PCDH9: variants seen among roughly 807,000 people sequenced by gnomAD.
PCDH9 encodes protocadherin 9.
A neutral mutation model predicts 70.6 loss-of-function variants in PCDH9; 24 were observed. The observed-to-expected ratio is 0.34, with a 90% CI of 0.25 to 0.48. The LOEUF is 0.48. Among genes scored for constraint, PCDH9 ranks in the 20% least tolerant of loss-of-function variants. The probability of loss-of-function intolerance (pLI) is 0.99; values close to 1 mark genes in which losing one functional copy is unlikely to be tolerated. For synonymous variants in PCDH9, 562 were observed against 558.5 expected (o/e 1.01, Z -0.09); for missense variants, 1,281 against 1,503.6 (o/e 0.85, Z 2.45).
At chr13:66,839,581 C>T (rs2081081783) in intron 3 of PCDH9, among the ~76,000 whole-genome samples, 1 of 152,160 alleles carries the variant, frequency 6.6e-6, no homozygotes, top group African/African-American at 2.4e-5. Context: ...CATATTTTAA[C>T]AAGCTTTATC....
At chr13:66,889,012 T>C (rs2082053406) in intron 3 of PCDH9, among the ~76,000 whole-genome samples, 1 of 152,230 alleles carries the variant, frequency 6.6e-6, no homozygotes, top group Non-Finnish European at 1.5e-5. Flanking sequence ...TTCAGGAAGA[T>C]AGATCCAGGT....
chr13:66,374,810 A>G (rs926483690), intron 4 of PCDH9, among the ~76,000 whole-genome samples: 1 of 152,070 alleles, frequency 6.6e-6, no homozygotes, highest in Non-Finnish European at 1.5e-5. Flanking sequence ...AAAACAGAAT[A>G]TATTCCTTTG....
At chr13:66,784,291 A>G (rs905397029) in intron 3 of PCDH9, among the ~76,000 whole-genome samples, 1 of 152,140 alleles carries the variant, frequency 6.6e-6, no homozygotes, top group African/African-American at 2.4e-5. Flanking sequence ...TTTATGAGAC[A>G]TCTGAAATTT....
At chr13:66,312,004 A>G (rs1210258675) in intron 4 of PCDH9, among the ~76,000 whole-genome samples, 3 of 152,182 alleles carry the variant, frequency 2.0e-5, no homozygotes, top group Non-Finnish European at 4.4e-5. Flanking sequence ...TTAGATTCAA[A>G]AGACTATTGT....
At chr13:67,133,595 T>C (rs1427113798) in intron 2 of PCDH9, among the ~76,000 whole-genome samples, 2 of 152,088 alleles carry the variant, frequency 1.3e-5, no homozygotes, top group Non-Finnish European at 2.9e-5. Context: ...TAGTGCACTA[T>C]AGAACCTAGA....
At chr13:67,073,047 C>A (rs562634684) in intron 2 of PCDH9, among the ~76,000 whole-genome samples, 1 of 152,230 alleles carries the variant, frequency 6.6e-6, no homozygotes, top group South Asian at 2.1e-4. Context: ...TAAACATGTT[C>A]AATTGATTCG....
At chr13:66,909,706 T>C (rs916832073) in intron 2 of PCDH9, among the ~76,000 whole-genome samples, 4 of 152,276 alleles carry the variant, frequency 2.6e-5, no homozygotes, top group African/African-American at 7.2e-5. Context: ...GAGGCGGAGC[T>C]TGCAGTGCGC....
At chr13:66,554,107 G>C (rs1295201523) in intron 4 of PCDH9, among the ~76,000 whole-genome samples, 2 of 152,012 alleles carry the variant, frequency 1.3e-5, no homozygotes, top group African/African-American at 4.8e-5. Context: ...AAACTATATT[G>C]TTTATAACAC....
At chr13:66,788,163 A>C (rs1409167470) in intron 3 of PCDH9, among the ~76,000 whole-genome samples, 1 of 152,196 alleles carries the variant, frequency 6.6e-6, no homozygotes, top group East Asian at 1.9e-4. Flanking sequence ...AGCCACCAGC[A>C]TCTGATGAGG....
chr13:66,932,166 A>G lies in PCDH9; in HGVS notation c.3037-28561T>C, dbSNP rs564015446. Among the ~76,000 whole-genome samples, 4 of 152,246 alleles carry G rather than the reference A, an allele frequency of 2.6e-5. 1 individual carries two copies. The South Asian group carries it at 8.3e-4, about 32-fold the overall frequency. ...GATCCAGCTTACTTGAAAGAGTACC[A>G]GGGCACTTTTGATTCATAGGATGCA... On this transcript the variant is annotated intron_variant, in intron 2 of 4. Coordinates refer to ENST00000377865, the MANE Select transcript of PCDH9 (RefSeq NM_203487.3).
intron 3 of PCDH9, among the ~76,000 whole-genome samples, chr13:66,846,081 G>A (rs898108559): frequency 6.8e-6 from 1 of 146,512 alleles, no homozygotes; most frequent in African/African-American, 2.5e-5. Flanking sequence ...TTCTACTGAG[G>A]CCATTACAAT....
At chr13:66,836,055 A>G (rs1012727872) in intron 3 of PCDH9, among the ~76,000 whole-genome samples, 1 of 152,216 alleles carries the variant, frequency 6.6e-6, no homozygotes, top group African/African-American at 2.4e-5. Flanking sequence ...AACATGAGAA[A>G]CAAAGAAAGC....
chr13:66,486,637 GAAA>G lies in PCDH9; in HGVS notation c.3340+144570_3340+144572del, dbSNP rs35868123. On this transcript the variant is annotated intron_variant, in intron 4 of 4. Coordinates refer to ENST00000377865, the MANE Select transcript of PCDH9 (RefSeq NM_203487.3). ...GAGGACAGAGTGAGATGCTATCTCA[GAAA>G]AAAAAAAAAAAAAAAAGTATTTGAG... Among the ~76,000 whole-genome samples the G allele has an allele frequency of 1.2e-3, 143 of 116,072 alleles. 1 individual carries two copies. Among genetic ancestry groups the G allele is most frequent in the South Asian group, 3.6e-3 (13 of 3,564 alleles). The allele number at this position is 116,072 out of a possible 152,430, so 76.1% of individuals were successfully genotyped here.
rs553587460 is a variant in PCDH9, at chr13:67,175,002, G to A, written c.3036+50403C>T. Among the ~76,000 whole-genome samples, 51 of 149,178 alleles carry A rather than the reference G, an allele frequency of 3.4e-4. No homozygotes were observed. The Middle Eastern group carries it at 0.011, about 31-fold the overall frequency. ...AAAAAAAAAATTAGCCCAGAGTGAC[G>A]GTACAAGCCTATAGTCCCAGCTACT... On this transcript the variant is annotated intron_variant, in intron 2 of 4. Coordinates refer to ENST00000377865, the MANE Select transcript of PCDH9 (RefSeq NM_203487.3).
chr13:66,735,360 T>C (rs1412836527), intron 3 of PCDH9, among the ~76,000 whole-genome samples: 1 of 152,178 alleles, frequency 6.6e-6, no homozygotes, highest in African/African-American at 2.4e-5. Context: ...TTTGTGAGAC[T>C]TAGAATTTAT....
chr13:67,056,341 A>G (rs2085419715), intron 2 of PCDH9, among the ~76,000 whole-genome samples: 1 of 119,862 alleles, frequency 8.3e-6, no homozygotes, highest in Non-Finnish European at 1.7e-5. Context: ...ACATCTATCT[A>G]TGTATCTCTA....
At position 66,730,876 on chromosome 13, in the gene PCDH9, G is replaced by GTGTTTTTTTTTTTTTTTTTTT. The variant is rs1555262846; in HGVS notation, c.3139-99466_3139-99465insAAAAAAAAAAAAAAAAAAACA. 6.5e-5 allele frequency among the ~76,000 whole-genome samples: 3 copies of GTGTTTTTTTTTTTTTTTTTTT among 46,358 alleles called. 1 individual carries two copies. Among genetic ancestry groups the GTGTTTTTTTTTTTTTTTTTTT allele is most frequent in the Non-Finnish European group, 7.9e-5 (2 of 25,254 alleles). The allele number at this position is 46,358 out of a possible 152,430, so 30.4% of individuals were successfully genotyped here. ...TGTTTTTGTTTTTTTGTGTGTGTGT[G>GTGTTTTTTTTTTTTTTTTTTT]TTTTTTTTTTGTTTGTTTCTTTTTT... On this transcript the variant is annotated intron_variant, in intron 3 of 4. Coordinates refer to ENST00000377865, the MANE Select transcript of PCDH9 (RefSeq NM_203487.3).
In PCDH9 at chr13:66,766,151, G is replaced by A. The variant is rs577345904; in HGVS notation, c.3139-134740C>T. The stretch of plus-strand genomic sequence containing the variant: ...TTTGGTGATCTATATACATGAATAT[G>A]TATATACATGAGTGAAGAAAGCCAT... On this transcript the variant is annotated intron_variant, in intron 3 of 4. Transcript: ENST00000377865. Among the ~76,000 whole-genome samples the A allele has an allele frequency of 7.2e-5, 11 of 152,010 alleles. No individual in the cohort carries two copies. The East Asian group carries it at 2.1e-3, about 29-fold the overall frequency.
At chr13:66,854,963 A>G (rs1400667384) in intron 3 of PCDH9, among the ~76,000 whole-genome samples, 1 of 152,156 alleles carries the variant, frequency 6.6e-6, no homozygotes, top group Non-Finnish European at 1.5e-5. Context: ...CAGAATTCAC[A>G]AATAAAGTGC....
Sources: gnomAD v4.1 joint callset for allele counts (sites outside exome capture counted in the v4.1 genomes callset) on GRCh38, gnomAD v4.1.1 for gene constraint, MANE v1.5 for transcripts, NCBI Gene and HGNC (gene_info 2026-07-23, HGNC 2026-07-21) for gene names.